The following FHOD3 variants were observed in gnomAD, a reference collection of about 807,000 sequenced individuals.
FHOD3 encodes FH1/FH2 domain-containing protein 3.
FHOD3 carries 90 observed loss-of-function variants against 173.0 expected under a neutral mutation model. The observed-to-expected ratio is 0.52, with a 90% confidence interval of 0.44 to 0.62. The LOEUF (loss-of-function observed/expected upper bound fraction) is 0.62, where lower values mean the gene tolerates loss of function less well. Among genes scored for constraint, FHOD3 ranks in the 20% least tolerant of loss-of-function variants. The probability of loss-of-function intolerance (pLI) is 0.00; values close to 1 mark genes in which losing one functional copy is unlikely to be tolerated. For missense variants in FHOD3, 1,945 were observed against 2,034.7 expected (o/e 0.96, Z 0.85); for synonymous variants, 828 against 823.0 (o/e 1.01, Z -0.10).
chr18:36,454,317 A>G (rs1313513403), intron 3 of FHOD3, among the ~76,000 whole-genome samples: 1 of 152,132 alleles, frequency 6.6e-6, no homozygotes, highest in Non-Finnish European at 1.5e-5. Context: ...ATGGGACCAC[A>G]CATATGGGGT....
intron 3 of FHOD3, among the ~76,000 whole-genome samples, chr18:36,450,394 G>C (rs1324520174): frequency 1.3e-5 from 2 of 152,152 alleles, no homozygotes; most frequent in South Asian, 2.1e-4. Flanking sequence ...TTAAAGGGAA[G>C]TGGTTAAGAT....
At position 36,394,220 on chromosome 18, in the gene FHOD3, T is replaced by G. The variant is rs565575855; in HGVS notation, c.337+21476T>G. Among the ~76,000 whole-genome samples the G allele has an allele frequency of 4.1e-4, 62 of 152,280 alleles. 1 individual carries two copies. The highest frequency in any genetic ancestry group is 1.3e-3 in the African/African-American group (55 of 41,574). The stretch of plus-strand genomic sequence containing the variant: ...CTGTCTTATGGATTCATTGTTATGG[T>G]CAAACAAGATAATATCAATTTAAAT... On this transcript the variant is annotated intron_variant, in intron 3 of 28. Coordinates refer to ENST00000590592, the MANE Select transcript of FHOD3 (RefSeq NM_001281740.3).
intron 3 of FHOD3, among the ~76,000 whole-genome samples, chr18:36,455,210 T>C (rs992908280): frequency 6.6e-6 from 1 of 152,206 alleles, no homozygotes; most frequent in Non-Finnish European, 1.5e-5. Flanking sequence ...CAGTAATTAC[T>C]CCATACCTTT....
intron 3 of FHOD3, among the ~76,000 whole-genome samples, chr18:36,450,406 G>A (rs2051763111): frequency 6.6e-6 from 1 of 151,926 alleles, no homozygotes. Context: ...GGTTAAGATA[G>A]GATGAGTGTT....
intron 3 of FHOD3, among the ~76,000 whole-genome samples, chr18:36,479,117 T>C (rs2053745050): frequency 6.6e-6 from 1 of 152,246 alleles, no homozygotes; most frequent in Admixed American, 6.5e-5. Context: ...CTTTGTTTTG[T>C]TCAGTTGTTC....
At chr18:36,388,608 A>G (rs920734359) in intron 3 of FHOD3, among the ~76,000 whole-genome samples, 1 of 152,042 alleles carries the variant, frequency 6.6e-6, no homozygotes, top group South Asian at 2.1e-4. Context: ...GGCATTCCCA[A>G]TGCAGATCCA....
intron 2 of FHOD3, among the ~76,000 whole-genome samples, chr18:36,369,467 AC>A (rs2047060457): frequency 7.9e-6 from 1 of 127,220 alleles, no homozygotes. Context: ...ACACACACAC[AC>A]ACACACACAC....
intron 6 of FHOD3, among the ~76,000 whole-genome samples, chr18:36,592,325 A>G (rs1317215225): frequency 1.3e-5 from 2 of 152,374 alleles, no homozygotes; most frequent in East Asian, 1.9e-4. Flanking sequence ...GATCTGAAGG[A>G]TGAGGTCAGT....
intron 1 of FHOD3, among the ~76,000 whole-genome samples, chr18:36,334,549 CTCTT>C (rs1230999192): frequency 6.6e-6 from 1 of 152,188 alleles, no homozygotes; most frequent in Admixed American, 6.5e-5. Context: ...AGGGTATTGT[CTCTT>C]TCTGGAGATT....
intron 28 of FHOD3, among the ~76,000 whole-genome samples, chr18:36,772,400 C>T (rs2043425844): frequency 6.6e-6 from 1 of 152,226 alleles, no homozygotes; most frequent in Admixed American, 6.5e-5. Flanking sequence ...CATGCTGAAA[C>T]AGTGCTGTAT....
At chr18:36,565,331 G>A (rs932477538) in intron 5 of FHOD3, among the ~76,000 whole-genome samples, 2 of 152,090 alleles carry the variant, frequency 1.3e-5, no homozygotes, top group African/African-American at 4.8e-5. Context: ...GAAGATAAGG[G>A]GTGAGTGATA....
chr18:36,687,331 A>T (rs1200094764), intron 16 of FHOD3, among the ~76,000 whole-genome samples, 153 bp downstream of exon 16: 1 of 152,234 alleles, frequency 6.6e-6, no homozygotes, highest in African/African-American at 2.4e-5. Context: ...CTAGTTACCT[A>T]AATTTTCCAA....
chr18:36,691,768 T>A (rs1400465010), intron 16 of FHOD3, among the ~76,000 whole-genome samples: 1 of 152,262 alleles, frequency 6.6e-6, no homozygotes, highest in Non-Finnish European at 1.5e-5. Flanking sequence ...GGTGGACCTC[T>A]GCAGGTGGGG....
intron 5 of FHOD3, among the ~76,000 whole-genome samples, chr18:36,536,813 G>A (rs1248410744): frequency 6.6e-6 from 1 of 152,204 alleles, no homozygotes; most frequent in African/African-American, 2.4e-5. Context: ...AATTCTGCTA[G>A]CATTCCTTGC....
chr18:36,603,090 C>T (rs930928791), intron 8 of FHOD3, among the ~76,000 whole-genome samples: 10 of 152,176 alleles, frequency 6.6e-5, no homozygotes, highest in African/African-American at 1.7e-4. Flanking sequence ...CCTGTAGAGC[C>T]TTCAGGGAAA....
intron 8 of FHOD3, among the ~76,000 whole-genome samples, chr18:36,606,203 C>A (rs1259067433): frequency 2.0e-5 from 3 of 152,014 alleles, no homozygotes; most frequent in African/African-American, 7.3e-5. Flanking sequence ...TGTCTTAGTC[C>A]ATTTTGTGTT....
At chr18:36,731,857 G>A (rs2041378618) in intron 20 of FHOD3, among the ~76,000 whole-genome samples, 1 of 152,234 alleles carries the variant, frequency 6.6e-6, no homozygotes. Context: ...TGCTTTGGAA[G>A]GAAGGGACCT....
At chr18:36,776,422 G>A (rs2043659397) in intron 28 of FHOD3, among the ~76,000 whole-genome samples, 1 of 152,190 alleles carries the variant, frequency 6.6e-6, no homozygotes, top group Non-Finnish European at 1.5e-5. Context: ...CTTGTCGCGT[G>A]TGACTTGAAT....
intron 3 of FHOD3, among the ~76,000 whole-genome samples, chr18:36,464,566 A>C (rs536970098): frequency 2.6e-4 from 40 of 152,304 alleles, no homozygotes; most frequent in African/African-American, 9.4e-4. Flanking sequence ...TCCATCAACT[A>C]ACACTTAAGA....
Sources: gnomAD v4.1 joint callset for allele counts (sites outside exome capture counted in the v4.1 genomes callset) on GRCh38, gnomAD v4.1.1 for gene constraint, MANE v1.5 for transcripts, NCBI Gene and HGNC (gene_info 2026-07-23, HGNC 2026-07-21) for gene names.